The following ERBB4 variants were observed in gnomAD, a reference collection of about 807,000 sequenced individuals.
ERBB4 encodes erb-b2 receptor tyrosine kinase 4, also known as receptor tyrosine-protein kinase erbB-4.
Under a neutral mutation model 158.0 loss-of-function variants are expected in ERBB4, and 42 were observed. The ratio of observed to expected loss-of-function variants is 0.27; its 90% CI spans 0.21 to 0.34. The LOEUF (loss-of-function observed/expected upper bound fraction) is 0.34. Among genes scored for constraint, ERBB4 ranks in the 10% least tolerant of loss-of-function variants. ERBB4 has a pLI of 1.00. For missense variants in ERBB4, 1,333 were observed against 1,624.1 expected, an observed-to-expected ratio of 0.82 and a Z score of 3.08; for synonymous variants, 583 against 558.7, an observed-to-expected ratio of 1.04 and a Z score of -0.61.
At chr2:211,472,324 T>C (rs976737687) in intron 20 of ERBB4, among the ~76,000 whole-genome samples, 22 of 148,836 alleles carry the variant, frequency 1.5e-4, no homozygotes, top group African/African-American at 5.4e-4. Context: ...ATATTAAATA[T>C]AATATTTAAT....
intron 19 of ERBB4, among the ~76,000 whole-genome samples, chr2:211,580,869 A>T (rs796395360): frequency 2.2e-3 from 1 of 460 alleles, no homozygotes; most frequent in Non-Finnish European, 4.8e-3. Context: ...GCATATACAT[A>T]TATATATATA....
intron 3 of ERBB4, among the ~76,000 whole-genome samples, chr2:211,810,816 G>T (rs924669466): frequency 1.3e-5 from 2 of 151,900 alleles, no homozygotes; most frequent in African/African-American, 4.8e-5. Context: ...GGGACTACAG[G>T]CGCCCGCCAC....
chr2:212,481,234 A>G (rs1689681693), intron 1 of ERBB4, among the ~76,000 whole-genome samples: 2 of 152,074 alleles, frequency 1.3e-5, no homozygotes, highest in Non-Finnish European at 2.9e-5. Context: ...TTATAGATAT[A>G]TATCTCATAC....
chr2:211,862,257 A>G (rs1185325746), intron 3 of ERBB4, among the ~76,000 whole-genome samples: 2 of 152,228 alleles, frequency 1.3e-5, no homozygotes, highest in Non-Finnish European at 2.9e-5. Context: ...GATAAAAACA[A>G]TAACAAGTTT....
intron 1 of ERBB4, among the ~76,000 whole-genome samples, chr2:212,227,042 T>C (rs1454115414): frequency 6.6e-6 from 1 of 152,044 alleles, no homozygotes; most frequent in Admixed American, 6.6e-5. Context: ...GATTGGGAGT[T>C]TGAGACCAGC....
intron 1 of ERBB4, among the ~76,000 whole-genome samples, chr2:212,508,497 TCAGA>T (rs1411366150): frequency 3.9e-5 from 6 of 152,144 alleles, no homozygotes; most frequent in Non-Finnish European, 7.4e-5. Context: ...TTCTGATTTT[TCAGA>T]CACATGTCTA....
intron 1 of ERBB4, among the ~76,000 whole-genome samples, chr2:212,289,305 A>G (rs551779526): frequency 2.0e-5 from 3 of 152,262 alleles, no homozygotes; most frequent in African/African-American, 7.2e-5. Context: ...TTAAGCAGAG[A>G]ACTCCTGGAT....
intron 1 of ERBB4, among the ~76,000 whole-genome samples, chr2:212,265,333 T>C (rs1361767290): frequency 6.6e-6 from 1 of 152,164 alleles, no homozygotes; most frequent in Non-Finnish European, 1.5e-5. Context: ...ATAAAAGCTT[T>C]CATCAAGAAG....
At chr2:212,062,399 CTTT>C (rs199535512) in intron 2 of ERBB4, among the ~76,000 whole-genome samples, 8 of 81,344 alleles carry the variant, frequency 9.8e-5, no homozygotes, top group African/African-American at 2.6e-4. Context: ...CTTGTCAATT[CTTT>C]TTTTTTTTTT....
intron 1 of ERBB4, among the ~76,000 whole-genome samples, chr2:212,168,685 A>G (rs1349120140): frequency 6.6e-6 from 1 of 152,184 alleles, no homozygotes. Flanking sequence ...AGCACATGAC[A>G]TTTGAACCAG....
chr2:211,609,984 G>A (rs909691808), intron 19 of ERBB4, among the ~76,000 whole-genome samples: 1 of 151,644 alleles, frequency 6.6e-6, no homozygotes, highest in African/African-American at 2.4e-5. Flanking sequence ...TTGAGGAAAC[G>A]ATCATAAAAA....
rs1325394938 is a variant in ERBB4 at position 211,662,023 on chromosome 2, A to G, written c.1871+3300T>C. On this transcript the variant is annotated intron_variant, in intron 15 of 27. Transcript: ENST00000342788. ...CACTGCACTCCAGCCTGGGCGACAG[A>G]GCGGGACTCCGTCTCAAAAAAAAAA... 7.7e-4 allele frequency among the ~76,000 whole-genome samples: 86 copies of G among 112,282 alleles called. 1 individual carries two copies. The highest frequency in any genetic ancestry group is 2.8e-3 in the African/African-American group (83 of 29,766). The allele number at this position is 112,282 out of a possible 152,430, so 73.7% of individuals were successfully genotyped here.
At chr2:211,888,638 C>T (rs1222351059) in intron 3 of ERBB4, among the ~76,000 whole-genome samples, 28 of 152,098 alleles carry the variant, frequency 1.8e-4, no homozygotes, top group Middle Eastern at 3.2e-3. Context: ...TCTGAGGTAC[C>T]GGGTTTCTCT....
chr2:211,426,234 C>T (rs946208503), intron 22 of ERBB4, among the ~76,000 whole-genome samples: 3 of 152,128 alleles, frequency 2.0e-5, no homozygotes, highest in African/African-American at 7.2e-5. Context: ...AGGATGGTTT[C>T]AAGCAAAAGA....
chr2:212,276,845 C>T (rs2085556346), intron 1 of ERBB4, among the ~76,000 whole-genome samples: 1 of 151,634 alleles, frequency 6.6e-6, no homozygotes, highest in African/African-American at 2.4e-5. Flanking sequence ...TGTCATAAGC[C>T]ATCTGATGAC....
chr2:211,901,758 T>A (rs2079240906), intron 3 of ERBB4, among the ~76,000 whole-genome samples: 1 of 152,164 alleles, frequency 6.6e-6, no homozygotes. Flanking sequence ...CCTATATTTA[T>A]CATCCTTGAT....
chr2:212,122,877 TACAGA>T (rs2079800164), intron 2 of ERBB4, among the ~76,000 whole-genome samples: 1 of 152,160 alleles, frequency 6.6e-6, no homozygotes, highest in South Asian at 2.1e-4. Context: ...TAGTTCCACG[TACAGA>T]AAAGTAAAGC....
chr2:211,799,197 C>A (rs1315620671), intron 3 of ERBB4, among the ~76,000 whole-genome samples: 1 of 152,044 alleles, frequency 6.6e-6, no homozygotes, highest in Non-Finnish European at 1.5e-5. Flanking sequence ...TGAATTAATT[C>A]AAAAACACAA....
chr2:211,651,388 C>T (rs1461586960), intron 16 of ERBB4, among the ~76,000 whole-genome samples: 1 of 152,110 alleles, frequency 6.6e-6, no homozygotes, highest in Non-Finnish European at 1.5e-5. Flanking sequence ...ATTATATGCT[C>T]AAGTACCCAG....
Sources: allele counts gnomAD v4.1 joint callset (sites outside exome capture counted in the v4.1 genomes callset), GRCh38; gene constraint gnomAD v4.1.1; transcripts MANE v1.5; gene names NCBI Gene and HGNC (gene_info 2026-07-23, HGNC 2026-07-21).